CFAP299: variants seen among roughly 807,000 people sequenced by gnomAD.
CFAP299 encodes the protein cilia and flagella associated protein 299, also known as cilia- and flagella-associated protein 299.
In CFAP299, 21 loss-of-function variants were observed where a neutral mutation model predicts 27.0. That is an observed-to-expected ratio of 0.78 (90% CI 0.55 to 1.12). CFAP299 has a LOEUF of 1.12. Ranked by LOEUF, CFAP299 falls within the 50% of genes most tolerant of loss-of-function variation. The pLI, the probability that CFAP299 is intolerant of heterozygous loss-of-function variation, is 0.00. For synonymous variants in CFAP299, 104 were observed against 98.1 expected, an observed-to-expected ratio of 1.06 and a Z score of -0.36; for missense variants, 310 against 276.6, an observed-to-expected ratio of 1.12 and a Z score of -0.86.
chr4:80,346,759 CT>C, intron 1 of CFAP299, among the ~76,000 whole-genome samples: 1 of 152,248 alleles, frequency 6.6e-6, no homozygotes, highest in Non-Finnish European at 1.5e-5. Flanking sequence ...GATGCGGGCT[CT>C]TTTTTGGTTC....
chr4:80,734,117 T>C (rs1427547142), intron 3 of CFAP299, among the ~76,000 whole-genome samples: 4 of 152,166 alleles, frequency 2.6e-5, no homozygotes, highest in African/African-American at 9.6e-5. Flanking sequence ...CTCCACATCC[T>C]CACCAGCATT....
chr4:80,931,661 G>A (rs748583250), intron 4 of CFAP299, among the ~76,000 whole-genome samples: 17 of 151,904 alleles, frequency 1.1e-4, no homozygotes, highest in Non-Finnish European at 2.4e-4. Context: ...GCACAGGGAG[G>A]CTTTATTTCA....
chr4:80,930,409 A>G (rs933269337), intron 4 of CFAP299, among the ~76,000 whole-genome samples: 3 of 152,188 alleles, frequency 2.0e-5, no homozygotes, highest in African/African-American at 7.2e-5. Context: ...TTTCTAATTA[A>G]TAGCTAATCA....
chr4:80,329,617 AG>A, the CFAP299 span, among the ~76,000 whole-genome samples: 1 of 152,176 alleles, frequency 6.6e-6, no homozygotes, highest in Non-Finnish European at 1.5e-5. Context: ...AGTAGAGCTG[AG>A]CATGAGTTGA....
At chr4:80,646,010 T>C (rs960320864) in intron 3 of CFAP299, among the ~76,000 whole-genome samples, 17 of 152,142 alleles carry the variant, frequency 1.1e-4, no homozygotes, top group Middle Eastern at 3.2e-3. Context: ...AAATATGTGG[T>C]TTTTTCCACT....
chr4:80,462,459 A>G (rs757246451), intron 2 of CFAP299, among the ~76,000 whole-genome samples: 3 of 152,168 alleles, frequency 2.0e-5, no homozygotes, highest in Non-Finnish European at 4.4e-5. Flanking sequence ...ATAAAAAGCT[A>G]AACCAGCACT....
chr4:80,757,496 C>T (rs978235606), intron 3 of CFAP299, among the ~76,000 whole-genome samples: 3 of 152,142 alleles, frequency 2.0e-5, no homozygotes, highest in African/African-American at 7.2e-5. Context: ...TGACAGCTAA[C>T]ATGTTTATAC....
intron 4 of CFAP299, among the ~76,000 whole-genome samples, chr4:80,881,395 G>T (rs957784810): frequency 6.6e-6 from 1 of 152,200 alleles, no homozygotes; most frequent in Non-Finnish European, 1.5e-5. Flanking sequence ...AACCAGCAGA[G>T]CTCAATCCCT....
intron 2 of CFAP299, among the ~76,000 whole-genome samples, chr4:80,416,923 G>A (rs988310514): frequency 1.3e-5 from 2 of 152,184 alleles, no homozygotes; most frequent in African/African-American, 4.8e-5. Flanking sequence ...AAATAATTCA[G>A]GGTGAGTCCA....
chr4:80,922,178 T>C (rs17005007), intron 4 of CFAP299, among the ~76,000 whole-genome samples: 1 of 152,182 alleles, frequency 6.6e-6, no homozygotes, highest in East Asian at 1.9e-4. Flanking sequence ...AAGGAGGTTG[T>C]TCTTTCTACC....
At chr4:80,805,063 C>A (rs772944398) in intron 3 of CFAP299, among the ~76,000 whole-genome samples, 29 of 151,876 alleles carry the variant, frequency 1.9e-4, no homozygotes, top group Non-Finnish European at 3.8e-4. Flanking sequence ...TTATCATGGG[C>A]ATTAAATGCA....
intron 3 of CFAP299, among the ~76,000 whole-genome samples, chr4:80,622,577 T>C (rs1738664191): frequency 6.6e-6 from 1 of 152,212 alleles, no homozygotes; most frequent in East Asian, 1.9e-4. Context: ...TTTTTTATTG[T>C]CAATATGTTT....
chr4:80,329,256 A>C, the CFAP299 span, among the ~76,000 whole-genome samples: 1 of 144,286 alleles, frequency 6.9e-6, no homozygotes, highest in Non-Finnish European at 1.5e-5. Context: ...GTAAATTTTT[A>C]TTTTTCTCAC....
chr4:80,718,183 G>C (rs960820070), intron 3 of CFAP299, among the ~76,000 whole-genome samples: 1 of 152,028 alleles, frequency 6.6e-6, no homozygotes, highest in African/African-American at 2.4e-5. Flanking sequence ...TATGGCAATA[G>C]TTAAGTCTTT....
At chr4:80,514,632 G>A (rs901080694) in intron 2 of CFAP299, among the ~76,000 whole-genome samples, 9 of 152,070 alleles carry the variant, frequency 5.9e-5, no homozygotes, top group Non-Finnish European at 1.0e-4. Flanking sequence ...AAACTTCATA[G>A]CCTCTTTGTC....
intron 3 of CFAP299, among the ~76,000 whole-genome samples, chr4:80,868,301 C>T (rs903770867): frequency 6.6e-6 from 1 of 152,062 alleles, no homozygotes; most frequent in Non-Finnish European, 1.5e-5. Context: ...TGAAATATAT[C>T]CTGCAGAATT....
intron 3 of CFAP299, among the ~76,000 whole-genome samples, chr4:80,816,645 G>A (rs534189207): frequency 7.9e-5 from 12 of 152,156 alleles, no homozygotes; most frequent in East Asian, 7.7e-4. Context: ...AGCATTAAGG[G>A]AAAAATTGAT....
intron 3 of CFAP299, among the ~76,000 whole-genome samples, chr4:80,859,585 A>T (rs141378701): frequency 6.6e-6 from 1 of 151,612 alleles, no homozygotes; most frequent in African/African-American, 2.4e-5. Context: ...TTCCTTCAGG[A>T]ACTCTTTTAG....
At chr4:80,406,865 T>C (rs1325670676) in intron 2 of CFAP299, among the ~76,000 whole-genome samples, 3 of 152,150 alleles carry the variant, frequency 2.0e-5, no homozygotes, top group African/African-American at 7.2e-5. Context: ...CTCCATTATA[T>C]AGGTGATAGT....
Sources: allele counts gnomAD v4.1 joint callset (sites outside exome capture counted in the v4.1 genomes callset), GRCh38; gene constraint gnomAD v4.1.1; transcripts MANE v1.5; gene names NCBI Gene and HGNC (gene_info 2026-07-23, HGNC 2026-07-21).